RIT2: variants seen among roughly 807,000 people sequenced by gnomAD.
The protein encoded by RIT2 is Ras like without CAAX 2.
RIT2 carries 24 observed loss-of-function variants against 23.7 expected under a neutral mutation model. The ratio of observed to expected loss-of-function variants is 1.01; its 90% CI spans 0.73 to 1.43. The LOEUF is 1.43. Among genes scored for constraint, RIT2 ranks in the 40% most tolerant of loss-of-function variants. RIT2 has a pLI of 0.00. For missense variants in RIT2, 236 were observed against 266.9 expected (o/e 0.88, Z 0.81); for synonymous variants, 107 against 91.1 (o/e 1.17, Z -0.99).
intron 4 of RIT2, among the ~76,000 whole-genome samples, chr18:42,869,692 T>C (rs918889184): frequency 3.9e-5 from 6 of 152,198 alleles, no homozygotes; most frequent in African/African-American, 1.4e-4. Flanking sequence ...TTGTTTCGGA[T>C]ATAGCCCATT....
At chr18:42,822,128 T>C (rs1259988898) in intron 4 of RIT2, among the ~76,000 whole-genome samples, 1 of 152,164 alleles carries the variant, frequency 6.6e-6, no homozygotes, top group Non-Finnish European at 1.5e-5. Context: ...CTTGGAGATA[T>C]GAGACACTGC....
At chr18:42,915,522 C>G (rs1908884799) in intron 4 of RIT2, among the ~76,000 whole-genome samples, 2 of 152,022 alleles carry the variant, frequency 1.3e-5, no homozygotes, top group Admixed American at 1.3e-4. Flanking sequence ...GAAGCCTTTT[C>G]TGGCTTGTCA....
intron 2 of RIT2, among the ~76,000 whole-genome samples, chr18:43,013,964 C>A (rs1911412996): frequency 1.3e-5 from 2 of 151,814 alleles, no homozygotes; most frequent in Admixed American, 1.3e-4. Flanking sequence ...AATAGGGCAT[C>A]CAAATTTATT....
chr18:42,849,790 TG>T (rs922879393), intron 4 of RIT2, among the ~76,000 whole-genome samples: 4 of 152,116 alleles, frequency 2.6e-5, no homozygotes, highest in Non-Finnish European at 5.9e-5. Context: ...CAATCCAGCT[TG>T]ATGAGCTAGA....
Position 42,745,960 on chromosome 18 carries a change from A to G in RIT2, c.427-2240T>C, listed in dbSNP as rs562664581. On this transcript the variant is annotated intron_variant, in intron 4 of 4. Transcript: ENST00000326695. ...CAGCCTAAAGGCCCTTGTGGCTTGC[A>G]AATATTTTTTGTTTTGTTTTGCTTT... is the stretch of plus-strand genomic sequence containing the variant. Among the ~76,000 whole-genome samples, 97 of 152,186 alleles carry G rather than the reference A, an allele frequency of 6.4e-4. 4 individuals carry two copies. The South Asian group carries it at 0.019, about 30-fold the overall frequency.
At chr18:42,896,327 C>T (rs1384065128) in intron 4 of RIT2, among the ~76,000 whole-genome samples, 1 of 152,158 alleles carries the variant, frequency 6.6e-6, no homozygotes, top group Non-Finnish European at 1.5e-5. Context: ...GATTCAACGT[C>T]CACTTCAAAT....
At chr18:43,077,110 A>G (rs1913044444) in intron 1 of RIT2, among the ~76,000 whole-genome samples, 1 of 150,386 alleles carries the variant, frequency 6.6e-6, no homozygotes, top group Non-Finnish European at 1.5e-5. Context: ...CTCAAAAAAA[A>G]AAAAAAAAAA....
chr18:42,803,773 A>T (rs2143965518), intron 4 of RIT2, among the ~76,000 whole-genome samples: 1 of 152,332 alleles, frequency 6.6e-6, no homozygotes, highest in Admixed American at 6.5e-5. Flanking sequence ...TGCAAACAAC[A>T]TTGCTTTGAT....
intron 1 of RIT2, among the ~76,000 whole-genome samples, chr18:43,076,156 A>G (rs1913009017): frequency 6.6e-6 from 1 of 152,164 alleles, no homozygotes; most frequent in African/African-American, 2.4e-5. Flanking sequence ...CATTATTCAG[A>G]TTGTGAGAAT....
chr18:42,776,016 AG>A (rs1207192629), intron 4 of RIT2, among the ~76,000 whole-genome samples: 1 of 152,216 alleles, frequency 6.6e-6, no homozygotes, highest in Non-Finnish European at 1.5e-5. Flanking sequence ...ATGCTATAAA[AG>A]CTCGAAGATG....
chr18:43,034,112 A>G (rs1034744258), intron 1 of RIT2, among the ~76,000 whole-genome samples: 1 of 152,182 alleles, frequency 6.6e-6, no homozygotes, highest in African/African-American at 2.4e-5. Context: ...TTCAATAAAA[A>G]TGGTATTAGA....
chr18:42,991,254 A>G (rs1001415823), intron 2 of RIT2, among the ~76,000 whole-genome samples: 1 of 152,152 alleles, frequency 6.6e-6, no homozygotes, highest in African/African-American at 2.4e-5. Flanking sequence ...GTTGATTCAA[A>G]TATCAGCCAT....
chr18:42,875,639 A>G (rs546477483), intron 4 of RIT2, among the ~76,000 whole-genome samples: 6 of 152,134 alleles, frequency 3.9e-5, no homozygotes, highest in African/African-American at 1.4e-4. Flanking sequence ...CAAATAGAAT[A>G]TAATTGGAAA....
chr18:43,046,755 A>G (rs8086709), intron 1 of RIT2, among the ~76,000 whole-genome samples: 6,621 of 152,286 alleles, frequency 0.043, 173 homozygotes, highest in South Asian at 0.12. Context: ...AGCTTTCCTT[A>G]TGTACTCAAC....
chr18:42,774,789 T>C (rs1490354008), intron 4 of RIT2, among the ~76,000 whole-genome samples: 1 of 152,168 alleles, frequency 6.6e-6, no homozygotes, highest in African/African-American at 2.4e-5. Flanking sequence ...TAAAACATTT[T>C]CTGAATGAGA....
intron 4 of RIT2, among the ~76,000 whole-genome samples, chr18:42,907,414 G>A (rs1273403986): frequency 6.7e-6 from 1 of 148,496 alleles, no homozygotes; most frequent in Non-Finnish European, 1.5e-5. Context: ...AATTTACTCT[G>A]TAGACTGTTG....
At chr18:43,028,676 C>T (rs1911786977) in intron 2 of RIT2, among the ~76,000 whole-genome samples, 1 of 151,972 alleles carries the variant, frequency 6.6e-6, no homozygotes, top group South Asian at 2.1e-4. Context: ...CTCCAGACCC[C>T]TTCAGTAAGT....
chr18:42,966,522 T>TAC (rs1598732837), intron 3 of RIT2, among the ~76,000 whole-genome samples: 1 of 152,184 alleles, frequency 6.6e-6, no homozygotes, highest in East Asian at 1.9e-4. Context: ...CTAAATATTC[T>TAC]ACATATCATA....
chr18:43,064,291 A>T (rs1159850627), intron 1 of RIT2, among the ~76,000 whole-genome samples: 1 of 152,186 alleles, frequency 6.6e-6, no homozygotes, highest in African/African-American at 2.4e-5. Context: ...TAATAAAAAC[A>T]TTTGTTAAGC....
Sources: allele counts gnomAD v4.1 joint callset (sites outside exome capture counted in the v4.1 genomes callset), GRCh38; gene constraint gnomAD v4.1.1; transcripts MANE v1.5; gene names NCBI Gene and HGNC (gene_info 2026-07-23, HGNC 2026-07-21).